DCC: variants seen among roughly 807,000 people sequenced by gnomAD.
DCC encodes netrin receptor DCC.
In DCC, 58 loss-of-function variants were observed where a neutral mutation model predicts 172.5. That is an observed-to-expected ratio of 0.34 (90% CI 0.27 to 0.42). The LOEUF (loss-of-function observed/expected upper bound fraction) is 0.42, where lower values mean the gene tolerates loss of function less well. Ranked by LOEUF, DCC falls within the 10% of genes least tolerant of loss-of-function variation. The pLI, the probability that DCC is intolerant of heterozygous loss-of-function variation, is 1.00. For missense variants in DCC, 1,740 were observed against 1,791.0 expected, an observed-to-expected ratio of 0.97 and a Z score of 0.51; for synonymous variants, 709 against 644.5, an observed-to-expected ratio of 1.10 and a Z score of -1.52.
chr18:53,498,246 G>A (rs765214279), intron 26 of DCC, among the ~76,000 whole-genome samples: 7 of 151,962 alleles, frequency 4.6e-5, no homozygotes, highest in Admixed American at 1.3e-4. Flanking sequence ...TTGAGCCTCC[G>A]GGAGACTTGT....
intron 2 of DCC, among the ~76,000 whole-genome samples, chr18:52,847,613 G>A (rs748008546): frequency 1.4e-4 from 21 of 152,156 alleles, no homozygotes; most frequent in Middle Eastern, 6.8e-3. Flanking sequence ...CTGTAACCAC[G>A]TTCCCTCCCT....
chr18:52,782,772 T>A (rs1378181801), intron 2 of DCC, among the ~76,000 whole-genome samples: 1 of 152,054 alleles, frequency 6.6e-6, no homozygotes, highest in Non-Finnish European at 1.5e-5. Context: ...ACAAGAAAAA[T>A]CAGCATATCC....
At chr18:53,117,844 C>T (rs910320459) in intron 7 of DCC, among the ~76,000 whole-genome samples, 24 of 151,704 alleles carry the variant, frequency 1.6e-4, no homozygotes, top group Non-Finnish European at 1.6e-4. Context: ...TTTATGGACA[C>T]TGAAATTTGA....
chr18:52,642,239 T>C (rs1170701211), intron 1 of DCC, among the ~76,000 whole-genome samples: 1 of 151,722 alleles, frequency 6.6e-6, no homozygotes, highest in Non-Finnish European at 1.5e-5. Flanking sequence ...CCAAACATCA[T>C]ACGTTCTCAC....
At chr18:52,707,849 C>A (rs965951089) in intron 1 of DCC, among the ~76,000 whole-genome samples, 1 of 152,044 alleles carries the variant, frequency 6.6e-6, no homozygotes, top group Non-Finnish European at 1.5e-5. Context: ...GGCTACCAGA[C>A]CCTGGGATAG....
chr18:52,601,289 T>A (rs1356274212), intron 1 of DCC, among the ~76,000 whole-genome samples: 2 of 152,090 alleles, frequency 1.3e-5, no homozygotes, highest in Non-Finnish European at 2.9e-5. Context: ...TGTGATCATA[T>A]CATAAATTCA....
At chr18:52,759,373 C>A (rs1251862292) in intron 2 of DCC, among the ~76,000 whole-genome samples, 2 of 152,128 alleles carry the variant, frequency 1.3e-5, no homozygotes, top group Non-Finnish European at 2.9e-5. Flanking sequence ...CTTGACAAGG[C>A]TTTTTATAGT....
intron 5 of DCC, among the ~76,000 whole-genome samples, chr18:53,003,698 A>ATCTC (rs1367816431): frequency 1.3e-3 from 192 of 152,114 alleles, no homozygotes; most frequent in African/African-American, 4.1e-3. Context: ...GGAAAAGGAG[A>ATCTC]CTTTTCCTCC....
At chr18:53,056,795 TA>T (rs972578259) in intron 5 of DCC, among the ~76,000 whole-genome samples, 19 of 152,016 alleles carry the variant, frequency 1.2e-4, no homozygotes, top group Admixed American at 2.6e-4. Context: ...TTTCTCCTAA[TA>T]AAATCTGTTC....
chr18:53,215,922 T>C (rs1349417830), intron 12 of DCC, among the ~76,000 whole-genome samples: 1 of 152,202 alleles, frequency 6.6e-6, no homozygotes, highest in Non-Finnish European at 1.5e-5. Context: ...CAGTCTATCA[T>C]ATAGCAATGA....
chr18:52,480,949 G>A (rs1476121593), intron 1 of DCC, among the ~76,000 whole-genome samples: 1 of 151,262 alleles, frequency 6.6e-6, no homozygotes, highest in East Asian at 1.9e-4. Flanking sequence ...ATTACTAAGA[G>A]TAATTTATTT....
chr18:53,377,494 G>T (rs1425070701), intron 15 of DCC, among the ~76,000 whole-genome samples: 1 of 152,112 alleles, frequency 6.6e-6, no homozygotes, highest in Non-Finnish European at 1.5e-5. Flanking sequence ...GAGCCCTTGT[G>T]ACCAATCACC....
At chr18:52,841,131 G>C (rs1405141226) in intron 2 of DCC, among the ~76,000 whole-genome samples, 1 of 152,078 alleles carries the variant, frequency 6.6e-6, no homozygotes, top group Non-Finnish European at 1.5e-5. Flanking sequence ...GTAAGACTTG[G>C]AGTGATGGTG....
intron 21 of DCC, among the ~76,000 whole-genome samples, chr18:53,418,793 T>C (rs1910465123): frequency 6.6e-6 from 1 of 152,222 alleles, no homozygotes; most frequent in African/African-American, 2.4e-5. Context: ...TGGTTTTGAT[T>C]TGGAGAAAAT....
At chr18:53,495,403 A>AAAAG in intron 26 of DCC, among the ~76,000 whole-genome samples, 1 of 151,090 alleles carries the variant, frequency 6.6e-6, no homozygotes, top group African/African-American at 2.4e-5. Flanking sequence ...AAAAAAAAAA[A>AAAAG]AAAGAAAGAA....
intron 1 of DCC, among the ~76,000 whole-genome samples, chr18:52,512,037 C>A (rs992598660): frequency 6.6e-6 from 1 of 152,112 alleles, no homozygotes; most frequent in African/African-American, 2.4e-5. Flanking sequence ...TTTGACAATG[C>A]TGGCCATTAA....
chr18:52,492,136 G>T lies in DCC; in HGVS notation c.91+151258G>T, dbSNP rs1456972628. Among the ~76,000 whole-genome samples the T allele has an allele frequency of 2.0e-5, 3 of 152,034 alleles. No individual in the cohort carries two copies. In the East Asian group the frequency reaches 5.8e-4, roughly 30 times the overall value. ...GGTGGTGAAATATATAAATATTTCT[G>T]AGAGTTTGAGTAGGAAATTTGCATT... On this transcript the variant is annotated intron_variant, in intron 1 of 28. Transcript: ENST00000442544.
chr18:52,595,402 G>C (rs1598941578), intron 1 of DCC, among the ~76,000 whole-genome samples: 2 of 152,208 alleles, frequency 1.3e-5, no homozygotes. Flanking sequence ...CATTATAATA[G>C]TTTTCCTGGG....
chr18:53,043,138 TA>T (rs2042192415), intron 5 of DCC, among the ~76,000 whole-genome samples: 2 of 151,832 alleles, frequency 1.3e-5, no homozygotes, highest in African/African-American at 2.4e-5. Context: ...TATGCCTCCG[TA>T]AAAAAGAATG....
Sources: allele counts gnomAD v4.1 joint callset (sites outside exome capture counted in the v4.1 genomes callset), GRCh38; gene constraint gnomAD v4.1.1; transcripts MANE v1.5; gene names NCBI Gene and HGNC (gene_info 2026-07-23, HGNC 2026-07-21).